Variants in MAD1L1 observed in about 807,000 individuals in gnomAD.
MAD1L1 encodes mitotic spindle assembly checkpoint protein MAD1.
In MAD1L1, 95 loss-of-function variants were observed where a neutral mutation model predicts 96.9. That is an observed-to-expected ratio of 0.98 (90% confidence interval 0.83 to 1.16). The LOEUF (loss-of-function observed/expected upper bound fraction) is 1.16. MAD1L1 is among the 50% of genes most tolerant of loss of function. MAD1L1 has a pLI of 0.00. For synonymous variants in MAD1L1, 473 were observed against 396.6 expected (o/e 1.19, Z -2.29); for missense variants, 1,007 against 954.4 (o/e 1.06, Z -0.73).
At chr7:2,176,729 G>A (rs1158340239) in intron 10 of MAD1L1, among the ~76,000 whole-genome samples, 2 of 151,242 alleles carry the variant, frequency 1.3e-5, no homozygotes, top group South Asian at 2.1e-4. Context: ...CTCTATACAC[G>A]AGAATCCAGC....
intron 12 of MAD1L1, among the ~76,000 whole-genome samples, chr7:2,026,478 A>C (rs184298987): frequency 1.5e-4 from 23 of 152,354 alleles, no homozygotes; most frequent in Non-Finnish European, 2.4e-4. Context: ...ACTGCACTCA[A>C]CAATTGCAGA....
intron 11 of MAD1L1, among the ~76,000 whole-genome samples, chr7:2,105,832 C>A (rs576312658): frequency 6.6e-6 from 1 of 152,238 alleles, no homozygotes; most frequent in Admixed American, 6.5e-5. Flanking sequence ...TCCTCACCCA[C>A]CCCGCTCCCC....
intron 18 of MAD1L1, among the ~76,000 whole-genome samples, chr7:1,819,053 C>A (rs1206743713): frequency 6.6e-6 from 1 of 152,128 alleles, no homozygotes; most frequent in Non-Finnish European, 1.5e-5. Flanking sequence ...CTCGGTCTAA[C>A]GCTCCGGCAT....
rs141829267 is a variant in MAD1L1, at chr7:2,109,279, C to T, written c.1073+39873G>A. On this transcript the variant is annotated intron_variant, in intron 11 of 18. Coordinates refer to ENST00000265854, the MANE Select transcript of MAD1L1 (RefSeq NM_001013836.2). ...TCTTCTTCAGGCCACATGGATAGTC[C>T]CTGCCTTAAGCAGCCCATGAGAGCA... Among the ~76,000 whole-genome samples, 75 of 152,338 alleles carry T rather than the reference C, an allele frequency of 4.9e-4. No individual in the cohort carries two copies. In the East Asian group the frequency reaches 0.013, roughly 25 times the overall value.
At chr7:1,913,087 C>T (rs1246879274) in intron 17 of MAD1L1, among the ~76,000 whole-genome samples, 2 of 152,186 alleles carry the variant, frequency 1.3e-5, no homozygotes, top group Non-Finnish European at 2.9e-5. Context: ...TTCGGCAAGA[C>T]GAGAGTTTTA....
chr7:2,215,217 A>C (rs1037559081), intron 9 of MAD1L1, among the ~76,000 whole-genome samples: 8 of 152,028 alleles, frequency 5.3e-5, no homozygotes, highest in African/African-American at 1.9e-4. Flanking sequence ...ATCTCTACTA[A>C]AAATACAAAA....
At chr7:1,929,786 G>T (rs1789334165) in intron 17 of MAD1L1, among the ~76,000 whole-genome samples, 1 of 127,514 alleles carries the variant, frequency 7.8e-6, no homozygotes, top group African/African-American at 3.3e-5. Context: ...CGTCCCCACT[G>T]CCACGTCCCC....
At chr7:2,013,781 C>T (rs1782407655) in intron 13 of MAD1L1, among the ~76,000 whole-genome samples, 1 of 152,204 alleles carries the variant, frequency 6.6e-6, no homozygotes, top group East Asian at 1.9e-4. Flanking sequence ...GAGCCCCCGG[C>T]CCCAGTGTAG....
chr7:1,876,236 C>T (rs1411687753), intron 18 of MAD1L1, among the ~76,000 whole-genome samples: 2 of 152,144 alleles, frequency 1.3e-5, no homozygotes, highest in African/African-American at 2.4e-5. Flanking sequence ...GCAAGGTCTC[C>T]ACAACCATTG....
chr7:1,863,364 A>C (rs1784622544), intron 18 of MAD1L1, among the ~76,000 whole-genome samples: 1 of 152,226 alleles, frequency 6.6e-6, no homozygotes, highest in Non-Finnish European at 1.5e-5. Context: ...AAAGGCAGCT[A>C]CCGGCAGGCC....
chr7:2,174,314 G>A lies in MAD1L1; in HGVS notation c.987-25076C>T, dbSNP rs181818608. Among the ~76,000 whole-genome samples the A allele has an allele frequency of 4.3e-4, 65 of 152,244 alleles. 1 individual carries two copies. In the East Asian group the frequency reaches 9.1e-3, roughly 21 times the overall value. On this transcript the variant is annotated intron_variant, in intron 10 of 18. Coordinates refer to ENST00000265854, the MANE Select transcript of MAD1L1 (RefSeq NM_001013836.2). ...GAAGCACAAAGCCATCCTGATTCCC[G>A]CTTCGTATGTAACCTATTCTCATCC... is the stretch of plus-strand genomic sequence containing the variant.
intron 11 of MAD1L1, among the ~76,000 whole-genome samples, chr7:2,128,821 C>T (rs562643560): frequency 3.6e-4 from 55 of 152,208 alleles, no homozygotes; most frequent in Non-Finnish European, 7.3e-4. Flanking sequence ...GGCCACACCA[C>T]GCCTCCCCAG....
chr7:1,938,219 G>C lies in MAD1L1; in HGVS notation c.1597-1322C>G, dbSNP rs181214720. 4.6e-3 allele frequency among the ~76,000 whole-genome samples: 614 copies of C among 134,422 alleles called. 20 individuals are homozygous for C. The highest frequency in any genetic ancestry group is 6.6e-3 in the Non-Finnish European group (419 of 63,242). The allele number at this position is 134,422 out of a possible 152,430, so 88.2% of individuals were successfully genotyped here. A position where few individuals can be genotyped will look rare whatever the true frequency, so the allele number is the denominator to read the frequency against. The stretch of plus-strand genomic sequence containing the variant: ...AGCCGCCCACGGCAGGGAGCTGCAG[G>C]GTTACTGCGCACCCGAGACCCCGAC... On this transcript the variant is annotated intron_variant, in intron 16 of 18. Transcript: ENST00000265854.
intron 4 of MAD1L1, among the ~76,000 whole-genome samples, chr7:2,225,122 C>T (rs553280648): frequency 3.3e-5 from 5 of 152,374 alleles, no homozygotes; most frequent in Admixed American, 1.3e-4. Context: ...CTGATACCTG[C>T]CCCACAGCAT....
At chr7:1,953,663 A>C (rs1226315286) in intron 16 of MAD1L1, among the ~76,000 whole-genome samples, 1 of 152,286 alleles carries the variant, frequency 6.6e-6, no homozygotes, top group Non-Finnish European at 1.5e-5. Context: ...AAGAGATGTC[A>C]GGAAGCCCCG....
chr7:2,051,200 C>T (rs551331312), intron 12 of MAD1L1, among the ~76,000 whole-genome samples: 1 of 152,144 alleles, frequency 6.6e-6, no homozygotes, highest in African/African-American at 2.4e-5. Flanking sequence ...CTTGTGTCCC[C>T]CCGAGGCTGG....
chr7:2,188,262 G>A (rs55742819), intron 10 of MAD1L1, among the ~76,000 whole-genome samples: 3,991 of 152,274 alleles, frequency 0.026, 91 homozygotes, highest in South Asian at 0.073. Flanking sequence ...TGTCAACACC[G>A]CCCAAAGCCA....
chr7:1,886,964 A>C (rs1477565855), intron 18 of MAD1L1, among the ~76,000 whole-genome samples: 1 of 152,252 alleles, frequency 6.6e-6, no homozygotes, highest in African/African-American at 2.4e-5. Context: ...GTTCCTGGTG[A>C]GAAGGCTTCA....
chr7:2,186,118 T>A (rs1315024402), intron 10 of MAD1L1, among the ~76,000 whole-genome samples: 9 of 152,242 alleles, frequency 5.9e-5, no homozygotes, highest in African/African-American at 2.2e-4. Flanking sequence ...TCTTAAGTAC[T>A]GTTAACAGAA....
Sources: allele counts gnomAD v4.1 joint callset (sites outside exome capture counted in the v4.1 genomes callset), GRCh38; gene constraint gnomAD v4.1.1; transcripts MANE v1.5; gene names NCBI Gene and HGNC (gene_info 2026-07-23, HGNC 2026-07-21).